Variants in CCDC122 observed in about 807,000 individuals in gnomAD.
CCDC122 encodes the protein coiled-coil domain-containing protein 122.
A neutral mutation model predicts 37.0 loss-of-function variants in CCDC122; 38 were observed. The ratio of observed to expected loss-of-function variants is 1.03; its 90% CI spans 0.79 to 1.35. The LOEUF is 1.35. CCDC122 is among the 40% of genes most tolerant of loss of function. The probability of loss-of-function intolerance (pLI) is 0.00; values close to 1 mark genes in which losing one functional copy is unlikely to be tolerated. For missense variants in CCDC122, 305 were observed against 310.0 expected (o/e 0.98, Z 0.12); for synonymous variants, 83 against 95.6 (o/e 0.87, Z 0.77).
At chr13:43,862,350 C>T (rs1954134010) in intron 4 of CCDC122, among the ~76,000 whole-genome samples, 1 of 152,160 alleles carries the variant, frequency 6.6e-6, no homozygotes, top group African/African-American at 2.4e-5. Context: ...AAATTCTCTA[C>T]CCCTGGCTAT....
At position 43,837,419 on chromosome 13, in the gene CCDC122, T is replaced by C. The variant is rs760318885; in HGVS notation, c.683A>G (p.Lys228Arg). 1 of 1,613,634 alleles carries C rather than the reference T, an allele frequency of 6.2e-7. No homozygotes were observed. Among genetic ancestry groups the C allele is most frequent in the South Asian group, 1.1e-5 (1 of 90,966 alleles). ...ACGCTTAAGAATTGCATCATACCTCTTATGTTGTACCTATCAAAAGAAGAG... is the reference window on the plus strand; with the variant it reads ...ACGCTTAAGAATTGCATCATACCTCCTATGTTGTACCTATCAAAAGAAGAG... ...KLRKEIEVQHKRYDAILKRLH... is the reference protein window; with the variant it reads ...KLRKEIEVQHRRYDAILKRLH... The change falls in exon 7 of 7, where the codon AAG becomes AGG. Residue 228 changes from lysine to arginine, a missense_variant. By Grantham distance (26) the Lys-to-Arg change is conservative (BLOSUM62 2). Coordinates refer to ENST00000444614, the MANE Select transcript of CCDC122 (RefSeq NM_144974.5).
intron 4 of CCDC122, 139 bp downstream of exon 4, chr13:43,868,555 A>G (rs1954347668): frequency 2.2e-6 from 1 of 464,782 alleles, no homozygotes; most frequent in Admixed American, 4.1e-5. Context: ...AGCCATGTAA[A>G]CCTTACTTAG....
chr13:43,868,968 G>C (rs752612786), intron 3 of CCDC122, among the ~76,000 whole-genome samples, 165 bp from the exon 4 acceptor site: 79 of 151,908 alleles, frequency 5.2e-4, no homozygotes, highest in Non-Finnish European at 9.4e-4. Context: ...AAAACCAAAA[G>C]TAAAGGCAAC....
At chr13:43,870,229 T>C (rs896110934) in intron 2 of CCDC122, among the ~76,000 whole-genome samples, 2 of 152,126 alleles carry the variant, frequency 1.3e-5, no homozygotes, top group South Asian at 2.1e-4. Context: ...ATCATAACCA[T>C]TCCTTGAAAT....
At chr13:43,858,674 T>C (rs1175381396) in intron 6 of CCDC122, 107 bp downstream of exon 6, 3 of 775,478 alleles carry the variant, frequency 3.9e-6, no homozygotes, top group Non-Finnish European at 5.4e-6. Flanking sequence ...TCTTTCTTGT[T>C]CTTCAACTGT....
chr13:43,875,023 AG>A (rs1468610452), intron 1 of CCDC122, 96 bp from the exon 2 acceptor site: 2 of 152,238 alleles, frequency 1.3e-5, no homozygotes, highest in Non-Finnish European at 2.9e-5. Context: ...CACTGCTTCT[AG>A]GTTTCTACCA....
At chr13:43,870,337 G>A (rs565234484) in intron 2 of CCDC122, among the ~76,000 whole-genome samples, 19 of 151,916 alleles carry the variant, frequency 1.3e-4, no homozygotes, top group Non-Finnish European at 2.1e-4. Flanking sequence ...TATTCACTCC[G>A]TTCATGTTAC....
chr13:43,827,620 T>C (rs1184683161), intron 3 of CCDC122, among the ~76,000 whole-genome samples: 1 of 152,214 alleles, frequency 6.6e-6, no homozygotes, highest in African/African-American at 2.4e-5. Context: ...TTCATCCAAA[T>C]GCAGATGAAA....
At chr13:43,864,911 G>T (rs1258513442) in intron 4 of CCDC122, among the ~76,000 whole-genome samples, 3 of 152,162 alleles carry the variant, frequency 2.0e-5, no homozygotes, top group Admixed American at 6.5e-5. Context: ...CCAGTCTTCT[G>T]GGAGGAAAGA....
chr13:43,868,282 A>AAAAG (rs1954338625), intron 4 of CCDC122, among the ~76,000 whole-genome samples: 1 of 152,126 alleles, frequency 6.6e-6, no homozygotes, highest in Admixed American at 6.6e-5. Flanking sequence ...AGGATTATCA[A>AAAAG]TATATTTAAA....
chr13:43,869,314 TA>T lies in CCDC122; in HGVS notation c.46+16del, dbSNP rs1234788221. ...GCTGATCTTTTAATTATTTATTTCTTAAGACTGTTTCATTACCTTCTTTAGG... is the reference window on the plus strand; with the variant it reads ...GCTGATCTTTTAATTATTTATTTCTTAGACTGTTTCATTACCTTCTTTAGG... On this transcript the variant is annotated intron_variant, in intron 3 of 6. Coordinates refer to ENST00000444614, the MANE Select transcript of CCDC122 (RefSeq NM_144974.5). The T allele has an allele frequency of 1.9e-6, 3 of 1,573,608 alleles. No homozygotes were observed. The highest frequency in any genetic ancestry group is 1.7e-4 in the Middle Eastern group (1 of 5,958).
rs1288792892 is a variant in CCDC122, at chr13:43,837,380, AC to A, written c.721del (p.Val241Ter). ...TCGTCTATTTGACTGAAGCTTGTTC[AC>A]CTGACAATGCAAACGCTTAAGAATT... Reference protein sequence around the residue: ...DAILKRLHCQVNKLQSNRRQW... With the variant: ...DAILKRLHCQXNKLQSNRRQW... On this transcript the variant is annotated frameshift_variant, in exon 7 of 7. Transcript: ENST00000444614. LOFTEE classifies it high-confidence loss of function. 7 of 1,614,076 alleles carry A rather than the reference AC, an allele frequency of 4.3e-6. No homozygotes were observed. The highest frequency in any genetic ancestry group is 5.9e-6 in the Non-Finnish European group (7 of 1,180,004).
At chr13:43,856,842 A>G (rs1953927816) in intron 6 of CCDC122, among the ~76,000 whole-genome samples, 2 of 152,186 alleles carry the variant, frequency 1.3e-5, no homozygotes, top group South Asian at 4.1e-4. Flanking sequence ...ATCTTGATCT[A>G]GGTAATGCCA....
chr13:43,819,268 A>G (rs1222440479), downstream of CCDC122, among the ~76,000 whole-genome samples: 1 of 152,168 alleles, frequency 6.6e-6, no homozygotes, highest in Non-Finnish European at 1.5e-5. Flanking sequence ...ACACCAGGGG[A>G]CAGAATTCAG....
At chr13:43,867,547 G>C (rs988279738) in intron 4 of CCDC122, among the ~76,000 whole-genome samples, 1 of 152,058 alleles carries the variant, frequency 6.6e-6, no homozygotes, top group African/African-American at 2.4e-5. Flanking sequence ...TCTGTGTTGT[G>C]TTCATGCCTC....
chr13:43,857,060 G>A (rs1011810852), intron 6 of CCDC122, among the ~76,000 whole-genome samples: 8 of 152,154 alleles, frequency 5.3e-5, no homozygotes, highest in Non-Finnish European at 8.8e-5. Context: ...TCTCCCAACT[G>A]TAATACCGAT....
At chr13:43,875,670 G>T (rs901031970) in intron 1 of CCDC122, among the ~76,000 whole-genome samples, 5 of 152,108 alleles carry the variant, frequency 3.3e-5, no homozygotes, top group Non-Finnish European at 4.4e-5. Context: ...TATAACAATT[G>T]TCCCAAATGA....
chr13:43,846,591 TA>T (rs1953544914), intron 6 of CCDC122, among the ~76,000 whole-genome samples: 3 of 152,246 alleles, frequency 2.0e-5, no homozygotes, highest in African/African-American at 7.2e-5. Flanking sequence ...GTCTTGCCCT[TA>T]GTCCAGCTTT....
At chr13:43,830,233 A>G (rs546042050) in intron 3 of CCDC122, among the ~76,000 whole-genome samples, 196 of 152,298 alleles carry the variant, frequency 1.3e-3, no homozygotes, top group African/African-American at 4.6e-3. Flanking sequence ...TGAATGGGAC[A>G]GTGATTAGAT....
Sources: gnomAD v4.1 joint callset for allele counts (sites outside exome capture counted in the v4.1 genomes callset) on GRCh38, gnomAD v4.1.1 for gene constraint, MANE v1.5 for transcripts, NCBI Gene and HGNC (gene_info 2026-07-23, HGNC 2026-07-21) for gene names.